Variants in UBE2D1 observed in about 807,000 individuals in gnomAD.
UBE2D1 encodes the protein ubiquitin-conjugating enzyme E2 D1.
A neutral mutation model predicts 24.6 loss-of-function variants in UBE2D1; 9 were observed. The ratio of observed to expected loss-of-function variants is 0.37; its 90% CI spans 0.22 to 0.64. The LOEUF is 0.64. UBE2D1 is among the 30% of genes least tolerant of loss of function. The pLI, the probability that UBE2D1 is intolerant of heterozygous loss-of-function variation, is 0.64. For missense variants in UBE2D1, 87 were observed against 177.1 expected (o/e 0.49, Z 2.89); for synonymous variants, 57 against 57.6 (o/e 0.99, Z 0.04).
In UBE2D1 at chr10:58,335,045, A is replaced by C. The variant is rs1047870544; in HGVS notation, c.-157A>C. The C allele has an allele frequency of 1.4e-6, 1 of 725,784 alleles. No individual in the cohort carries two copies. Among genetic ancestry groups the C allele is most frequent in the Non-Finnish European group, 2.2e-6 (1 of 448,612 alleles). 45.0% of individuals were successfully genotyped at this position (725,784 alleles called of 1,614,324 possible). On this transcript the variant is annotated 5_prime_UTR_variant, in exon 1 of 7. Transcript: ENST00000373910. ...ACTCGCGCTCGGGCGCACACGGAGC[A>C]GGGACCGGCGCCCGGAGCGAGCCAG...
intron 1 of UBE2D1, among the ~76,000 whole-genome samples, chr10:58,336,102 A>C (rs1839901146): frequency 1.3e-5 from 2 of 152,152 alleles, no homozygotes; most frequent in Non-Finnish European, 2.9e-5. Flanking sequence ...TCTTTTTTTC[A>C]CAGTATTTAT....
chr10:58,361,623 T>C (rs1241615574), intron 3 of UBE2D1, 97 bp downstream of exon 3: 1 of 1,528,352 alleles, frequency 6.5e-7, no homozygotes, highest in Non-Finnish European at 9.0e-7. Flanking sequence ...AGGTTGAATA[T>C]TCTTGTACTT....
At chr10:58,366,428 G>A (rs73288314) in intron 5 of UBE2D1, among the ~76,000 whole-genome samples, 6,585 of 152,212 alleles carry the variant, frequency 0.043, 490 homozygotes, top group African/African-American at 0.15. Context: ...TTAAAGGATA[G>A]ACATGGTTTG....
chr10:58,335,133 G>C lies in UBE2D1; in HGVS notation c.-69G>C. 1 of 1,510,134 alleles carries C rather than the reference G, an allele frequency of 6.6e-7. No homozygotes were observed. The highest frequency in any genetic ancestry group is 8.9e-7 in the Non-Finnish European group (1 of 1,125,464). The allele number at this position is 1,510,134 out of a possible 1,614,324, so 93.5% of individuals were successfully genotyped here. ...CTAGCTGCCAGCGAGCCCAACCCGC[G>C]ACGACCCACGCCCCTGAGCCCCGCA... is the stretch of plus-strand genomic sequence containing the variant. On this transcript the variant is annotated 5_prime_UTR_variant, in exon 1 of 7. Coordinates refer to ENST00000373910, the MANE Select transcript of UBE2D1 (RefSeq NM_003338.5).
chr10:58,344,909 G>T (rs1199117530), intron 1 of UBE2D1, among the ~76,000 whole-genome samples: 7 of 151,052 alleles, frequency 4.6e-5, no homozygotes, highest in Non-Finnish European at 7.4e-5. Flanking sequence ...CTGTCACCCA[G>T]GCTGGACTGC....
intron 1 of UBE2D1, among the ~76,000 whole-genome samples, chr10:58,342,513 A>G (rs1253428699): frequency 1.3e-5 from 2 of 152,130 alleles, no homozygotes; most frequent in Non-Finnish European, 2.9e-5. Flanking sequence ...GAGAAAACCA[A>G]GTGGACCTAA....
intron 1 of UBE2D1, among the ~76,000 whole-genome samples, chr10:58,360,741 G>A (rs544771925): frequency 3.9e-5 from 6 of 152,172 alleles, no homozygotes; most frequent in African/African-American, 1.2e-4. Context: ...TCAACATGGC[G>A]AGACCCCATC....
At chr10:58,338,522 C>T (rs1278123388) in intron 1 of UBE2D1, among the ~76,000 whole-genome samples, 1 of 152,088 alleles carries the variant, frequency 6.6e-6, no homozygotes, top group Admixed American at 6.5e-5. Context: ...CAGTTTTTCA[C>T]CTAGGTATCT....
chr10:58,344,867 GT>G lies in UBE2D1; in HGVS notation c.24+9656del, dbSNP rs1304897036. ...CTGCCTTATAGGTAATAGTTTTTTT[GT>G]TTTTTTTTTTTTTAATGACAAAGTC... On this transcript the variant is annotated intron_variant, in intron 1 of 6. Coordinates refer to ENST00000373910, the MANE Select transcript of UBE2D1 (RefSeq NM_003338.5). Among the ~76,000 whole-genome samples, 351 of 130,536 alleles carry G rather than the reference GT, an allele frequency of 2.7e-3. 1 individual carries two copies. The highest frequency in any genetic ancestry group is 0.023 in the East Asian group (101 of 4,450). 85.6% of individuals were successfully genotyped at this position (130,536 alleles called of 152,430 possible).
intron 1 of UBE2D1, 104 bp downstream of exon 1, chr10:58,335,329 G>A: frequency 7.8e-7 from 1 of 1,287,718 alleles, no homozygotes; most frequent in East Asian, 3.0e-5. Context: ...AGGGATGGAA[G>A]GGTGGGCCGG....
chr10:58,367,741 A>G (rs924995825), intron 5 of UBE2D1, among the ~76,000 whole-genome samples, 182 bp from the exon 6 acceptor site: 5 of 152,192 alleles, frequency 3.3e-5, no homozygotes, highest in African/African-American at 1.2e-4. Flanking sequence ...GTAATTTTAT[A>G]ACTTTAAAAA....
chr10:58,362,990 G>A (rs1169090496), intron 3 of UBE2D1, among the ~76,000 whole-genome samples: 1 of 151,840 alleles, frequency 6.6e-6, no homozygotes, highest in Non-Finnish European at 1.5e-5. Context: ...AATTTCTCTA[G>A]TAAAGTTGAT....
At chr10:58,361,424 G>T (rs1840196879) in intron 2 of UBE2D1, 23 bp downstream of exon 2, 2 of 1,614,102 alleles carry the variant, frequency 1.2e-6, no homozygotes, top group Non-Finnish European at 1.7e-6. Context: ...CTATTTCTGG[G>T]ATTATGCTAC....
chr10:58,354,173 T>C (rs1840106116), intron 1 of UBE2D1, among the ~76,000 whole-genome samples: 1 of 152,190 alleles, frequency 6.6e-6, no homozygotes, highest in Admixed American at 6.5e-5. Flanking sequence ...TAACCAGAGA[T>C]GTCCCCATAT....
At chr10:58,346,033 C>T (rs1238308906) in intron 1 of UBE2D1, among the ~76,000 whole-genome samples, 6 of 141,580 alleles carry the variant, frequency 4.2e-5, no homozygotes, top group Admixed American at 1.5e-4. Context: ...TTTTTTTAGA[C>T]GGAGTCTCAC....
Position 58,337,984 on chromosome 10 carries a change from C to T in UBE2D1, c.24+2759C>T, listed in dbSNP as rs557223917. On this transcript the variant is annotated intron_variant, in intron 1 of 6. Transcript: ENST00000373910. ...GCCTCAGCCTCCTGAGTAGCTGGGA[C>T]TACAGGCGCATGCTGCCATGCCCCG... 6.6e-5 allele frequency among the ~76,000 whole-genome samples: 10 copies of T among 152,074 alleles called. No homozygotes were observed. In the South Asian group the frequency reaches 2.1e-3, roughly 32 times the overall value.
In UBE2D1 at chr10:58,361,609, A is replaced by G. The variant is rs1840199432; in HGVS notation, c.120+83A>G. ...TTTCACCTTTGATCAGATGTTTGTG[A>G]TGAAGGTTGAATATTCTTGTACTTT... is the stretch of plus-strand genomic sequence containing the variant. On this transcript the variant is annotated intron_variant, in intron 3 of 6. Coordinates refer to ENST00000373910, the MANE Select transcript of UBE2D1 (RefSeq NM_003338.5). 1.9e-6 allele frequency: 3 copies of G among 1,565,944 alleles called. No homozygotes were observed. In the South Asian group the frequency reaches 3.3e-5, roughly 17 times the overall value.
At chr10:58,365,192 C>G (rs1405916019) in intron 5 of UBE2D1, among the ~76,000 whole-genome samples, 1 of 152,080 alleles carries the variant, frequency 6.6e-6, no homozygotes, top group African/African-American at 2.4e-5. Flanking sequence ...AGAGAGTGCC[C>G]GGGCACTGTG....
chr10:58,346,114 A>C (rs1840013113), intron 1 of UBE2D1, among the ~76,000 whole-genome samples: 1 of 151,452 alleles, frequency 6.6e-6, no homozygotes, highest in Non-Finnish European at 1.5e-5. Flanking sequence ...AGGTTCAAGC[A>C]ATTTTCCTGC....
Sources: allele counts gnomAD v4.1 joint callset (sites outside exome capture counted in the v4.1 genomes callset), GRCh38; gene constraint gnomAD v4.1.1; transcripts MANE v1.5; gene names NCBI Gene and HGNC (gene_info 2026-07-23, HGNC 2026-07-21).